Variants in OPLAH observed in about 807,000 individuals in gnomAD.
The protein encoded by OPLAH is 5-oxoprolinase, ATP-hydrolysing, also known as 5-oxoprolinase.
In OPLAH, 103 loss-of-function variants were observed where a neutral mutation model predicts 122.8. The observed-to-expected ratio is 0.84, with a 90% CI of 0.71 to 0.99. The LOEUF is 0.99. OPLAH is among the 50% of genes least tolerant of loss of function. The pLI, the probability that OPLAH is intolerant of heterozygous loss-of-function variation, is 0.00. For missense variants in OPLAH, 1,902 were observed against 1,836.5 expected, an observed-to-expected ratio of 1.04 and a Z score of -0.65; for synonymous variants, 875 against 796.0, an observed-to-expected ratio of 1.10 and a Z score of -1.67.
chr8:144,062,334 G>A (rs554810284), upstream of OPLAH, among the ~76,000 whole-genome samples: 72 of 152,138 alleles, frequency 4.7e-4, no homozygotes, highest in Middle Eastern at 6.8e-3. Context: ...TAAGTGGCAC[G>A]TGCCTGCTGT....
rs781819330 is a variant in OPLAH, at chr8:144,059,897, C to T, written c.136G>A (p.Ala46Thr). 3.1e-6 allele frequency: 5 copies of T among 1,612,784 alleles called. No homozygotes were observed. Among genetic ancestry groups the T allele is most frequent in the Admixed American group, 1.7e-5 (1 of 60,028 alleles). The change falls in exon 2 of 27, where the codon GCG (alanine) becomes ACG (threonine). Residue 46 changes from alanine to threonine, a missense_variant. By Grantham distance (58) the Ala-to-Thr change is moderately conservative. Transcript: ENST00000618853. The stretch of plus-strand genomic sequence containing the variant: ...ATGCGGCGGATGCCTTCGGTTGGCG[C>T]GTCCGCATAGTTGGCAGGGTCCTCT... The part of the protein sequence containing the change: ...LSEDPANYAD[A>T]PTEGIRRILE...
At chr8:144,060,117 C>G (rs1835632988) in intron 1 of OPLAH, 32 bp from the exon 2 acceptor site, 15 of 1,454,930 alleles carry the variant, frequency 1.0e-5, no homozygotes, top group Non-Finnish European at 1.4e-5. Flanking sequence ...CCGGGCTCAC[C>G]TGCGAGTGGG....
chr8:144,051,582 G>A, intron 26 of OPLAH, 110 bp from the exon 27 acceptor site: 1 of 1,180,308 alleles, frequency 8.5e-7, no homozygotes, highest in Non-Finnish European at 1.2e-6. Context: ...CGCCCCCATG[G>A]ACCACGGAGG....
In OPLAH at chr8:144,058,718, G is replaced by A. The variant is rs117447628; in HGVS notation, c.588-27C>T. ...TATGACAAAAACCCAGTGGCACCTC[G>A]TCTCCCACCAGGCCCGGCACCTGCT... On this transcript the variant is annotated intron_variant, in intron 5 of 26. Coordinates refer to ENST00000618853, the MANE Select transcript of OPLAH (RefSeq NM_017570.5). The A allele has an allele frequency of 5.4e-5, 85 of 1,580,974 alleles. 1 individual carries two copies. In the East Asian group the frequency reaches 8.3e-4, roughly 16 times the overall value.
At chr8:144,050,398 G>A (rs1166606937), downstream of OPLAH, 14 of 985,162 alleles carry the variant, frequency 1.4e-5, no homozygotes, top group Non-Finnish European at 1.7e-5. Context: ...AGAACAAAGT[G>A]GAGAGGTCGT....
Position 144,058,685 on chromosome 8 carries a change from G to A in OPLAH, c.594C>T (p.Ala198=), listed in dbSNP as rs782092730. 1 of 1,588,450 alleles carries A rather than the reference G, an allele frequency of 6.3e-7. No individual in the cohort carries two copies. The highest frequency in any genetic ancestry group is 1.1e-5 in the South Asian group (1 of 89,050). The change falls in exon 6 of 27, where the codon GCC becomes GCT. Residue 198 remains alanine, a synonymous_variant. Transcript: ENST00000618853. ...AVVLMHSYTW[A]QHEQQVGVLA... is the part of the protein sequence containing the mutation. ...GCACACCCACCTGCTGCTCATGCTG[G>A]GCCCACCTATGACAAAAACCCAGTG...
At chr8:144,056,100 G>A (rs757144833) in intron 15 of OPLAH, 47 bp downstream of exon 15, 57 of 1,564,076 alleles carry the variant, frequency 3.6e-5, no homozygotes, top group Non-Finnish European at 4.6e-5. Context: ...CAGGGGCCCC[G>A]CAGTGGACCC....
At chr8:144,051,254 C>CG, downstream of OPLAH, 5 of 1,591,750 alleles carry the variant, frequency 3.1e-6, no homozygotes, top group Non-Finnish European at 4.3e-6. Flanking sequence ...AGACACGACT[C>CG]GGAGCACGAA....
intron 10 of OPLAH, 54 bp downstream of exon 10, chr8:144,057,394 G>A (rs782744573): frequency 6.3e-6 from 10 of 1,585,086 alleles, no homozygotes; most frequent in Non-Finnish European, 7.7e-6. Flanking sequence ...AGGAGGCCTG[G>A]GGCAGGGAGC....
At position 144,058,412 on chromosome 8, in the gene OPLAH, C is replaced by A; in HGVS notation, c.784-8G>T. 1 of 1,586,724 alleles carries A rather than the reference C, an allele frequency of 6.3e-7. No homozygotes were observed. The highest frequency in any genetic ancestry group is 8.5e-7 in the Non-Finnish European group (1 of 1,170,630). On this transcript the variant is annotated splice_polypyrimidine_tract_variant and splice_region_variant and intron_variant, in intron 6 of 26. Coordinates refer to ENST00000618853, the MANE Select transcript of OPLAH (RefSeq NM_017570.5). ...GAACAACACCTGCACATCCTGCGAG[C>A]GGGCAGCAGGCGGGCCATGAGGGGC...
intron 19 of OPLAH, 136 bp downstream of exon 19, chr8:144,054,425 A>C: frequency 1.1e-6 from 1 of 947,072 alleles, no homozygotes; most frequent in Non-Finnish European, 1.5e-6. Flanking sequence ...CCTTTGGGGT[A>C]ACCACCTATC....
At position 144,052,058 on chromosome 8, in the gene OPLAH, G is replaced by C; in HGVS notation, c.3480C>G (p.Arg1160=). 1 of 1,586,640 alleles carries C rather than the reference G, an allele frequency of 6.3e-7. No homozygotes were observed. The highest frequency in any genetic ancestry group is 8.5e-7 in the Non-Finnish European group (1 of 1,174,108). Residue 1160 remains arginine (R), a synonymous_variant, in exon 25 of 27, where the codon CGC becomes CGG. Coordinates refer to ENST00000618853, the MANE Select transcript of OPLAH (RefSeq NM_017570.5). The part of the protein sequence containing the change: ...ILESRYPVIL[R]RFELRRGSGG... ...CCGAGCCCCGCCGCAGCTCGAAGCG[G>C]CGCAGGATGACCGGGTACCTGCGAG...
Position 144,051,331 on chromosome 8 carries a change from C to A in OPLAH, c.3862G>T (p.Val1288Leu). ...VYEYRRAQEAV is the reference protein window; with the variant it reads ...VYEYRRAQEAL ...GCATCTTTATTGCGGGATCCTCACA[C>A]GGCCTCCTGGGCCCGGCGATACTCA... is the stretch of plus-strand genomic sequence containing the variant. Residue 1288 changes from valine (V) to leucine (L), a missense_variant, in exon 27 of 27, where the codon GTG becomes TTG. Physicochemically the swap from Val to Leu is conservative, Grantham distance 32. Transcript: ENST00000618853. The A allele has an allele frequency of 6.2e-7, 1 of 1,611,658 alleles. No homozygotes were observed. Among genetic ancestry groups the A allele is most frequent in the Non-Finnish European group, 8.5e-7 (1 of 1,179,358 alleles).
intron 13 of OPLAH, 45 bp downstream of exon 13, chr8:144,056,573 C>T (rs1554759173): frequency 6.2e-7 from 1 of 1,612,312 alleles, no homozygotes; most frequent in East Asian, 2.2e-5. Flanking sequence ...GGCGGCCAGA[C>T]AGGAGGGCCC....
chr8:144,062,540 G>C (rs1171328696), upstream of OPLAH, among the ~76,000 whole-genome samples: 5 of 152,008 alleles, frequency 3.3e-5, no homozygotes, highest in African/African-American at 1.2e-4. Flanking sequence ...TACAGCCTCT[G>C]CCTGGCCAGC....
rs1564286871 is a variant in OPLAH, at chr8:144,051,397, G to A, written c.3796C>T (p.Pro1266Ser). 1.9e-6 allele frequency: 3 copies of A among 1,599,794 alleles called. No homozygotes were observed. The highest frequency in any genetic ancestry group is 1.4e-5 in the African/African-American group (1 of 73,484). ...TCGGGAAAGGCCAGTGCTTGCGGGG[G>A]CGACCCCGGCGGTGGGGCGGGGTCC... is the stretch of plus-strand genomic sequence containing the variant. ...PEDPAPPPGSPPQALAFPEHG... is the reference protein window; with the variant it reads ...PEDPAPPPGSSPQALAFPEHG... The change falls in exon 27 of 27, where the codon CCC becomes TCC. Residue 1266 changes from proline to serine, a missense_variant. Physicochemically the swap from Pro to Ser is moderately conservative, Grantham distance 74 (BLOSUM62 -1). Transcript: ENST00000618853.
At position 144,056,422 on chromosome 8, in the gene OPLAH, G is replaced by A. The variant is rs200365585; in HGVS notation, c.1946C>T (p.Ala649Val). 1.9e-5 allele frequency: 30 copies of A among 1,608,264 alleles called. No individual in the cohort carries two copies. In the African/African-American group the frequency reaches 3.5e-4, roughly 19 times the overall value. ...GGGAGGCCCGGTCTGGGCTTTGGGG[G>A]CATCCTCGAGGCGAAGACCACTGCG... ...TGRSGLRLED[A>V]PKAQTGPPRV... Residue 649 changes from alanine to valine, a missense_variant, in exon 14 of 27, where the codon GCC becomes GTC. Around this residue, in one of 3 missense-constraint regions of OPLAH, gnomAD observed 1,726 missense variants for 1,642.1 expected, o/e 1.05. Transcript: ENST00000618853.
At chr8:144,053,157 CA>C in intron 20 of OPLAH, 28 bp from the exon 21 acceptor site, 1 of 1,607,996 alleles carries the variant, frequency 6.2e-7, no homozygotes, top group Non-Finnish European at 8.5e-7. Context: ...CAGTGGTGGC[CA>C]GGTCACCTGC....
chr8:144,053,383 C>T lies in OPLAH; in HGVS notation c.2697G>A (p.Glu899=). The change falls in exon 20 of 27, where the codon GAG becomes GAA. Residue 899 remains glutamate (E), a synonymous_variant. Transcript: ENST00000618853. Reference sequence around the variant, plus strand: ...GGACCTTGCCTGGCGCCCGCAGGGCCTCCGTCACCGCTGGATGGACAGTGT... The same window carrying T: ...GGACCTTGCCTGGCGCCCGCAGGGCTTCCGTCACCGCTGGATGGACAGTGT... ...GGVFQEEAVT[E]ALRAPGKVPN... 6.2e-7 allele frequency: 1 copy of T among 1,609,838 alleles called. No homozygotes were observed. Among genetic ancestry groups the T allele is most frequent in the Non-Finnish European group, 8.5e-7 (1 of 1,178,490 alleles).
Sources: allele counts gnomAD v4.1 joint callset (sites outside exome capture counted in the v4.1 genomes callset), GRCh38; gene constraint gnomAD v4.1.1; regional missense constraint gnomAD v4.1.1; transcripts MANE v1.5; gene names NCBI Gene and HGNC (gene_info 2026-07-23, HGNC 2026-07-21).